The following GTF3C5 variants were observed in gnomAD, a reference collection of about 807,000 sequenced individuals.
GTF3C5 encodes the protein general transcription factor 3C polypeptide 5.
GTF3C5 carries 47 observed loss-of-function variants against 61.0 expected under a neutral mutation model. The ratio of observed to expected loss-of-function variants is 0.77; its 90% CI spans 0.61 to 0.98. GTF3C5 has a LOEUF of 0.98. Among genes scored for constraint, GTF3C5 ranks in the 50% least tolerant of loss-of-function variants. GTF3C5 has a pLI of 0.00. For missense variants in GTF3C5, 659 were observed against 703.3 expected (o/e 0.94, Z 0.71); for synonymous variants, 295 against 275.4 (o/e 1.07, Z -0.71).
chr9:133,048,705 C>T (rs1850281481), intron 3 of GTF3C5, among the ~76,000 whole-genome samples: 1 of 152,172 alleles, frequency 6.6e-6, no homozygotes, highest in African/African-American at 2.4e-5. Flanking sequence ...GCACTGCCGC[C>T]CCTGGCACTA....
chr9:133,055,445 T>G (rs1232866339), intron 8 of GTF3C5: 13 of 1,229,450 alleles, frequency 1.1e-5, no homozygotes, highest in East Asian at 5.7e-5. Flanking sequence ...TTCTAGGTTT[T>G]TTAGACCTTT....
intron 5 of GTF3C5, among the ~76,000 whole-genome samples, chr9:133,052,512 C>A (rs988378575): frequency 6.6e-6 from 1 of 152,008 alleles, no homozygotes; most frequent in South Asian, 2.1e-4. Flanking sequence ...TGTTGGGCTG[C>A]AGAACCCAGC....
At chr9:133,052,968 G>T (rs113834998) in intron 5 of GTF3C5, among the ~76,000 whole-genome samples, 3,305 of 152,184 alleles carry the variant, frequency 0.022, 140 homozygotes, top group African/African-American at 0.075. Flanking sequence ...AAGTAGCTGG[G>T]AGTACAGGCG....
intron 1 of GTF3C5, among the ~76,000 whole-genome samples, chr9:133,040,718 G>A (rs1850012444): frequency 6.6e-6 from 1 of 152,114 alleles, no homozygotes; most frequent in South Asian, 2.1e-4. Context: ...GTAGTTGTTA[G>A]AGTAGGTAAC....
chr9:133,031,268 C>A, intron 1 of GTF3C5, 104 bp downstream of exon 1: 1 of 958,248 alleles, frequency 1.0e-6, no homozygotes, highest in Non-Finnish European at 1.6e-6. Context: ...AATTTACTTA[C>A]GCAGAAGGGT....
chr9:133,030,890 G>A (rs747029308), upstream of GTF3C5: 4 of 1,146,406 alleles, frequency 3.5e-6, no homozygotes, highest in African/African-American at 1.5e-5. Context: ...CTGAGCCCGG[G>A]GAGTTAGGAT....
intron 10 of GTF3C5, 71 bp from the exon 11 acceptor site, chr9:133,057,743 C>A (rs1198013282): frequency 7.0e-7 from 1 of 1,433,010 alleles, no homozygotes; most frequent in Non-Finnish European, 9.4e-7. Context: ...CTCCCCAGAG[C>A]CTGGTGGCCT....
chr9:133,048,355 G>A (rs1054716391), intron 3 of GTF3C5, among the ~76,000 whole-genome samples: 4 of 151,988 alleles, frequency 2.6e-5, no homozygotes, highest in African/African-American at 9.7e-5. Flanking sequence ...AAATTAGCCA[G>A]GTGTGGTGGT....
At chr9:133,034,296 G>T (rs941300545) in intron 1 of GTF3C5, among the ~76,000 whole-genome samples, 13 of 152,164 alleles carry the variant, frequency 8.5e-5, no homozygotes, top group Middle Eastern at 3.4e-3. Context: ...GCCCTTTAAG[G>T]CTCCATACTT....
At chr9:133,045,705 T>TGG (rs1268023012) in intron 3 of GTF3C5, among the ~76,000 whole-genome samples, 2 of 152,196 alleles carry the variant, frequency 1.3e-5, no homozygotes, top group African/African-American at 4.8e-5. Flanking sequence ...GGCGCGATCT[T>TGG]GGCTCACTGC....
chr9:133,040,154 G>C (rs1849995355), intron 1 of GTF3C5, among the ~76,000 whole-genome samples: 1 of 152,172 alleles, frequency 6.6e-6, no homozygotes, highest in Non-Finnish European at 1.5e-5. Flanking sequence ...CATGTTTCTT[G>C]AGCACCTCCC....
chr9:133,055,797 T>A (rs1446136819), intron 8 of GTF3C5: 57 of 1,378,012 alleles, frequency 4.1e-5, no homozygotes, highest in Non-Finnish European at 5.0e-5. Flanking sequence ...CAGGAGGGCC[T>A]GGGTGCTCCT....
At chr9:133,055,241 G>A in intron 8 of GTF3C5, 2 of 1,486,330 alleles carry the variant, frequency 1.3e-6, no homozygotes, top group Non-Finnish European at 1.8e-6. Flanking sequence ...TTGCCCAGCG[G>A]GGGTTGGCGG....
At chr9:133,047,349 A>T (rs1311452079) in intron 3 of GTF3C5, among the ~76,000 whole-genome samples, 1 of 152,176 alleles carries the variant, frequency 6.6e-6, no homozygotes, top group Non-Finnish European at 1.5e-5. Context: ...TTCTGATTGT[A>T]AGAATAAATT....
rs554802955 is a variant in GTF3C5, at chr9:133,055,289, C to T, written c.1167+480C>T. The T allele has an allele frequency of 2.0e-3, 2,849 of 1,411,064 alleles. 1 individual carries two copies. Among genetic ancestry groups the T allele is most frequent in the Non-Finnish European group, 2.5e-3 (2,719 of 1,067,434 alleles). The allele number at this position is 1,411,064 out of a possible 1,614,324, so 87.4% of individuals were successfully genotyped here. On this transcript the variant is annotated intron_variant, in intron 8 of 10. Coordinates refer to ENST00000372097, the MANE Select transcript of GTF3C5 (RefSeq NM_012087.4). ...TTCCCACATTCAGGCTCCCGCAAGC[C>T]GCTCCACAGCCCTGGGGGAGGCCGA...
intron 4 of GTF3C5, among the ~76,000 whole-genome samples, chr9:133,051,382 C>T (rs894363311): frequency 1.3e-5 from 2 of 152,166 alleles, no homozygotes; most frequent in African/African-American, 2.4e-5. Flanking sequence ...CCCGGGCTTG[C>T]GGGTGCCGTG....
At chr9:133,039,916 T>G (rs1849988895) in intron 1 of GTF3C5, among the ~76,000 whole-genome samples, 1 of 152,230 alleles carries the variant, frequency 6.6e-6, no homozygotes, top group Non-Finnish European at 1.5e-5. Flanking sequence ...CATGCTTTGC[T>G]CTAGAGTCTG....
chr9:133,042,067 C>T lies in GTF3C5; in HGVS notation c.154-20C>T, dbSNP rs745792242. ...TTGGCTTGTCATTGCTTCACTCTGTCTCCTTTGGCCTTGCCACAGATCTAC... is the reference window on the plus strand; with the variant it reads ...TTGGCTTGTCATTGCTTCACTCTGTTTCCTTTGGCCTTGCCACAGATCTAC... On this transcript the variant is annotated intron_variant, in intron 1 of 10. Transcript: ENST00000372097. 6.2e-5 allele frequency: 98 copies of T among 1,580,238 alleles called. 1 individual carries two copies. The South Asian group carries it at 8.1e-4, about 13-fold the overall frequency.
chr9:133,042,819 G>A (rs1850078500), intron 2 of GTF3C5, among the ~76,000 whole-genome samples: 1 of 152,228 alleles, frequency 6.6e-6, no homozygotes, highest in East Asian at 1.9e-4. Flanking sequence ...GAGAAAGACA[G>A]ACTCTGGCAT....
Sources: allele counts gnomAD v4.1 joint callset (sites outside exome capture counted in the v4.1 genomes callset), GRCh38; gene constraint gnomAD v4.1.1; transcripts MANE v1.5; gene names NCBI Gene and HGNC (gene_info 2026-07-23, HGNC 2026-07-21).